Variants in NKAIN2 observed in about 807,000 individuals in gnomAD.
The protein encoded by NKAIN2 is sodium/potassium transporting ATPase interacting 2.
In NKAIN2, 14 loss-of-function variants were observed where a neutral mutation model predicts 32.6. That is an observed-to-expected ratio of 0.43 (90% confidence interval 0.28 to 0.67). NKAIN2 has a LOEUF of 0.67. NKAIN2 is among the 30% of genes least tolerant of loss of function. NKAIN2 has a pLI of 0.17. For synonymous variants in NKAIN2, 80 were observed against 87.2 expected, an observed-to-expected ratio of 0.92 and a Z score of 0.46; for missense variants, 198 against 258.3, an observed-to-expected ratio of 0.77 and a Z score of 1.60.
intron 1 of NKAIN2, among the ~76,000 whole-genome samples, chr6:124,094,214 T>A (rs1784552536): frequency 6.6e-6 from 1 of 152,184 alleles, no homozygotes; most frequent in Non-Finnish European, 1.5e-5. Context: ...CCTATAACAC[T>A]CTACTGGAGA....
chr6:124,370,103 A>G (rs1799689228), intron 3 of NKAIN2, among the ~76,000 whole-genome samples: 1 of 151,376 alleles, frequency 6.6e-6, no homozygotes, highest in Non-Finnish European at 1.5e-5. Flanking sequence ...CTTAAAATTT[A>G]CATTGAAAAT....
chr6:124,199,942 A>G (rs1582835635), intron 1 of NKAIN2, among the ~76,000 whole-genome samples: 1 of 152,316 alleles, frequency 6.6e-6, no homozygotes, highest in East Asian at 1.9e-4. Context: ...ACCTTTCAGA[A>G]GCATATAAAT....
At chr6:124,759,758 A>G (rs541354987) in intron 4 of NKAIN2, among the ~76,000 whole-genome samples, 3 of 151,978 alleles carry the variant, frequency 2.0e-5, no homozygotes, top group Admixed American at 1.3e-4. Flanking sequence ...TTGGAAATAT[A>G]TTTCCCAATG....
chr6:124,619,580 A>G (rs1200349653), intron 3 of NKAIN2, among the ~76,000 whole-genome samples: 1 of 152,192 alleles, frequency 6.6e-6, no homozygotes, highest in Non-Finnish European at 1.5e-5. Flanking sequence ...ACATGTTTGT[A>G]AAGTCCTGCC....
intron 1 of NKAIN2, among the ~76,000 whole-genome samples, chr6:124,060,237 C>A (rs1202617599): frequency 1.3e-5 from 2 of 152,100 alleles, no homozygotes; most frequent in African/African-American, 4.8e-5. Context: ...ATGCCTAGGG[C>A]CTATGCCAGT....
chr6:124,438,712 G>A (rs1775565462), intron 3 of NKAIN2, among the ~76,000 whole-genome samples: 1 of 152,010 alleles, frequency 6.6e-6, no homozygotes, highest in Non-Finnish European at 1.5e-5. Flanking sequence ...ATTACCAATG[G>A]CCTCCCTGTC....
chr6:124,420,335 A>G (rs1774690258), intron 3 of NKAIN2, among the ~76,000 whole-genome samples: 1 of 152,162 alleles, frequency 6.6e-6, no homozygotes, highest in Non-Finnish European at 1.5e-5. Flanking sequence ...AAGTGCAGAT[A>G]AGGTAACACA....
In NKAIN2 at chr6:124,409,589, G is replaced by A. The variant is rs537418821; in HGVS notation, c.273+54242G>A. 5.6e-3 allele frequency among the ~76,000 whole-genome samples: 857 copies of A among 152,152 alleles called. 1 individual carries two copies. Among genetic ancestry groups the A allele is most frequent in the Middle Eastern group, 0.02 (6 of 294 alleles). The stretch of plus-strand genomic sequence containing the variant: ...AGCTTTTTGATGTGTTGCTGGATGC[G>A]GTTTGCCAGTATTTTATTGAGGATT... On this transcript the variant is annotated intron_variant, in intron 3 of 6. Coordinates refer to ENST00000368417, the MANE Select transcript of NKAIN2 (RefSeq NM_001040214.3).
intron 3 of NKAIN2, among the ~76,000 whole-genome samples, chr6:124,446,582 A>G (rs1013078613): frequency 7.9e-5 from 12 of 152,018 alleles, no homozygotes; most frequent in African/African-American, 1.4e-4. Flanking sequence ...ACCTGGAGCA[A>G]TCCTGCCACC....
chr6:123,903,909 G>T (rs59211821), intron 1 of NKAIN2, among the ~76,000 whole-genome samples: 1 of 137,256 alleles, frequency 7.3e-6, no homozygotes, highest in African/African-American at 3.1e-5. Flanking sequence ...TCTATTATAC[G>T]CATTTTTTTT....
At chr6:124,735,378 A>T (rs2114675035) in intron 4 of NKAIN2, among the ~76,000 whole-genome samples, 1 of 152,102 alleles carries the variant, frequency 6.6e-6, no homozygotes, top group Admixed American at 6.6e-5. Context: ...TGAAGAATAA[A>T]TGAAAAAATC....
intron 1 of NKAIN2, among the ~76,000 whole-genome samples, chr6:124,259,976 C>A (rs1341530580): frequency 6.6e-6 from 1 of 152,096 alleles, no homozygotes; most frequent in Non-Finnish European, 1.5e-5. Flanking sequence ...TTTATTGATT[C>A]TAATTGATTA....
intron 1 of NKAIN2, among the ~76,000 whole-genome samples, chr6:124,237,566 T>C (rs1792843019): frequency 6.6e-6 from 1 of 152,074 alleles, no homozygotes; most frequent in Non-Finnish European, 1.5e-5. Flanking sequence ...CTCAAGAAGA[T>C]TAGTGTGAAT....
intron 1 of NKAIN2, among the ~76,000 whole-genome samples, chr6:123,805,361 T>A (rs981106930): frequency 6.6e-6 from 1 of 152,182 alleles, no homozygotes; most frequent in Non-Finnish European, 1.5e-5. Context: ...ATTCCTTAAG[T>A]GTTCTTGTTT....
intron 1 of NKAIN2, among the ~76,000 whole-genome samples, chr6:123,856,021 G>A (rs1326069979): frequency 6.6e-6 from 1 of 152,122 alleles, no homozygotes; most frequent in African/African-American, 2.4e-5. Context: ...ATTATCCATA[G>A]TTTAAAAACA....
At chr6:124,778,890 A>G (rs978278544) in intron 4 of NKAIN2, among the ~76,000 whole-genome samples, 2 of 152,148 alleles carry the variant, frequency 1.3e-5, no homozygotes, top group African/African-American at 4.8e-5. Flanking sequence ...GGCTGAATAG[A>G]GTCAAAAACC....
chr6:124,242,560 T>C (rs1049881703), intron 1 of NKAIN2, among the ~76,000 whole-genome samples: 2 of 152,040 alleles, frequency 1.3e-5, no homozygotes, highest in Non-Finnish European at 2.9e-5. Context: ...ACCCAAAGGA[T>C]TATAAATCAT....
At chr6:124,455,432 A>C (rs1776282973) in intron 3 of NKAIN2, among the ~76,000 whole-genome samples, 1 of 152,014 alleles carries the variant, frequency 6.6e-6, no homozygotes, top group South Asian at 2.1e-4. Flanking sequence ...TTTCGAAATG[A>C]TATTGAGCTC....
chr6:124,785,576 A>T (rs1779462267), intron 4 of NKAIN2, among the ~76,000 whole-genome samples: 1 of 152,098 alleles, frequency 6.6e-6, no homozygotes, highest in African/African-American at 2.4e-5. Flanking sequence ...AGGGATGCTG[A>T]CTTATTTCTG....
Sources: allele counts gnomAD v4.1 joint callset (sites outside exome capture counted in the v4.1 genomes callset), GRCh38; gene constraint gnomAD v4.1.1; transcripts MANE v1.5; gene names NCBI Gene and HGNC (gene_info 2026-07-23, HGNC 2026-07-21).